SLC4A4: variants seen among roughly 807,000 people sequenced by gnomAD.
SLC4A4 encodes electrogenic sodium bicarbonate cotransporter 1.
SLC4A4 carries 27 observed loss-of-function variants against 111.5 expected under a neutral mutation model. The ratio of observed to expected loss-of-function variants is 0.24; its 90% CI spans 0.18 to 0.33. The LOEUF (loss-of-function observed/expected upper bound fraction) is 0.33, where lower values mean the gene tolerates loss of function less well. SLC4A4 is among the 10% of genes least tolerant of loss of function. The pLI is 1.00. For missense variants in SLC4A4, 909 were observed against 1,315.5 expected, an observed-to-expected ratio of 0.69 and a Z score of 4.78; for synonymous variants, 443 against 463.4, an observed-to-expected ratio of 0.96 and a Z score of 0.57.
intron 2 of SLC4A4, among the ~76,000 whole-genome samples, chr4:71,102,486 G>A (rs1742780945): frequency 6.6e-6 from 1 of 152,116 alleles, no homozygotes; most frequent in Non-Finnish European, 1.5e-5. Flanking sequence ...CACCAAAGTT[G>A]AAATGAAGGA....
At chr4:71,392,745 C>T (rs1391764113) in intron 6 of SLC4A4, among the ~76,000 whole-genome samples, 4 of 151,988 alleles carry the variant, frequency 2.6e-5, no homozygotes, top group Non-Finnish European at 2.9e-5. Context: ...CTTTGATGAA[C>T]ATAGATGCCA....
At chr4:71,373,868 G>C (rs887990762) in intron 6 of SLC4A4, among the ~76,000 whole-genome samples, 4 of 152,106 alleles carry the variant, frequency 2.6e-5, no homozygotes, top group African/African-American at 9.7e-5. Context: ...TGAATGTTAG[G>C]GGAGGAAGAG....
At chr4:71,139,035 C>CAAAAAAAAA (rs5859250) in intron 2 of SLC4A4, among the ~76,000 whole-genome samples, 2 of 42,846 alleles carry the variant, frequency 4.7e-5, no homozygotes, top group Non-Finnish European at 8.3e-5. Context: ...GACTCCGTCT[C>CAAAAAAAAA]AAAAAAAAAA....
intron 7 of SLC4A4, among the ~76,000 whole-genome samples, chr4:71,419,507 G>C (rs933484119): frequency 6.6e-6 from 1 of 152,254 alleles, no homozygotes; most frequent in African/African-American, 2.4e-5. Flanking sequence ...GCCAGGTGCG[G>C]GATATAATCT....
At chr4:71,250,310 T>C (rs932068604) in intron 2 of SLC4A4, among the ~76,000 whole-genome samples, 1 of 152,172 alleles carries the variant, frequency 6.6e-6, no homozygotes, top group Non-Finnish European at 1.5e-5. Context: ...GAAAGAAGTA[T>C]ATAAAATGCT....
intron 6 of SLC4A4, among the ~76,000 whole-genome samples, chr4:71,373,946 G>A (rs1298217222): frequency 2.0e-5 from 3 of 152,280 alleles, no homozygotes; most frequent in Middle Eastern, 3.4e-3. Context: ...ATGGGCACAG[G>A]TGCTGGGTTT....
chr4:71,097,179 T>C (rs1296560115), intron 2 of SLC4A4, among the ~76,000 whole-genome samples: 1 of 152,160 alleles, frequency 6.6e-6, no homozygotes, highest in Non-Finnish European at 1.5e-5. Context: ...CCTCCCATCA[T>C]CCACCCTTAA....
intron 7 of SLC4A4, among the ~76,000 whole-genome samples, chr4:71,423,205 G>T (rs1256318295): frequency 1.3e-5 from 2 of 152,128 alleles, no homozygotes; most frequent in Admixed American, 6.5e-5. Flanking sequence ...CAGACAAACA[G>T]AGAGCCAAAT....
intron 2 of SLC4A4, among the ~76,000 whole-genome samples, chr4:71,173,821 T>A (rs1175781986): frequency 6.6e-6 from 1 of 152,096 alleles, no homozygotes; most frequent in Admixed American, 6.6e-5. Context: ...CTGATAGACA[T>A]ATAGCTTCTT....
chr4:71,187,793 A>T (rs573783493), intron 1 of SLC4A4, among the ~76,000 whole-genome samples: 1 of 151,972 alleles, frequency 6.6e-6, no homozygotes, highest in South Asian at 2.1e-4. Flanking sequence ...GTGACCAGGC[A>T]CCTGCTTGAG....
chr4:71,107,763 A>G (rs1237328074), intron 2 of SLC4A4, among the ~76,000 whole-genome samples: 3 of 151,272 alleles, frequency 2.0e-5, no homozygotes, highest in African/African-American at 4.9e-5. Context: ...ACTGGAGTAC[A>G]GTGGTATGAT....
intron 14 of SLC4A4, among the ~76,000 whole-genome samples, chr4:71,485,188 G>C (rs1055486158): frequency 8.6e-5 from 13 of 151,776 alleles, no homozygotes; most frequent in African/African-American, 3.1e-4. Context: ...GAATAGGAGT[G>C]GTGAGAGAGG....
At chr4:71,204,938 C>G (rs1357649375) in intron 1 of SLC4A4, among the ~76,000 whole-genome samples, 1 of 152,180 alleles carries the variant, frequency 6.6e-6, no homozygotes, top group East Asian at 1.9e-4. Flanking sequence ...ATGGCTAACA[C>G]TGGGGTTAAC....
intron 1 of SLC4A4, among the ~76,000 whole-genome samples, chr4:71,074,781 G>C (rs1741761656): frequency 6.6e-6 from 1 of 152,296 alleles, no homozygotes; most frequent in South Asian, 2.1e-4. Flanking sequence ...AAATTCTGTC[G>C]GCAAATTGTC....
chr4:71,069,467 A>G (rs1159356024), intron 1 of SLC4A4, among the ~76,000 whole-genome samples: 2 of 152,234 alleles, frequency 1.3e-5, no homozygotes, highest in Non-Finnish European at 2.9e-5. Flanking sequence ...CACTCTTGAC[A>G]GGCTGCACCA....
chr4:71,555,391 A>G (rs1578179239), intron 21 of SLC4A4, among the ~76,000 whole-genome samples, 183 bp downstream of exon 21: 1 of 152,078 alleles, frequency 6.6e-6, no homozygotes, highest in East Asian at 1.9e-4. Context: ...GTTAGCCAGT[A>G]TTAAGAAAAG....
chr4:71,375,729 A>G (rs1732288529), intron 6 of SLC4A4, among the ~76,000 whole-genome samples: 1 of 152,148 alleles, frequency 6.6e-6, no homozygotes, highest in South Asian at 2.1e-4. Context: ...ACTGTGGCCT[A>G]TGTACAAAAT....
At position 71,397,616 on chromosome 4, in the gene SLC4A4, G is replaced by C. The variant is rs1270049022; in HGVS notation, c.770G>C (p.Ser257Thr). The part of the protein sequence containing the change: ...AMTHRNLTSS[S>T]LNDISDKPEK... ...ACCCATAGGAATCTGACTTCCTCCA[G>C]TCTGAATGACATTTCTGATAAACCG... Residue 257 changes from serine to threonine, a missense_variant, in exon 7 of 26, where the codon AGT becomes ACT. Transcript: ENST00000264485. 1.1e-5 allele frequency: 17 copies of C among 1,614,014 alleles called. No homozygotes were observed. The highest frequency in any genetic ancestry group is 1.4e-5 in the Non-Finnish European group (17 of 1,179,914).
At chr4:71,466,107 C>T (rs141242431) in intron 12 of SLC4A4, among the ~76,000 whole-genome samples, 2 of 152,254 alleles carry the variant, frequency 1.3e-5, no homozygotes, top group Admixed American at 1.3e-4. Flanking sequence ...CAAGTCACTT[C>T]TAACCATTTG....
Sources: allele counts gnomAD v4.1 joint callset (sites outside exome capture counted in the v4.1 genomes callset), GRCh38; gene constraint gnomAD v4.1.1; transcripts MANE v1.5; gene names NCBI Gene and HGNC (gene_info 2026-07-23, HGNC 2026-07-21).